ZNF442: variants seen among roughly 807,000 people sequenced by gnomAD.
The protein encoded by ZNF442 is zinc finger protein 442.
In ZNF442, 45 loss-of-function variants were observed where a neutral mutation model predicts 57.0. The ratio of observed to expected loss-of-function variants is 0.79; its 90% CI spans 0.62 to 1.01. ZNF442 has a LOEUF of 1.01. Ranked by LOEUF, ZNF442 falls within the 50% of genes least tolerant of loss-of-function variation. ZNF442 has a pLI of 0.00. For synonymous variants in ZNF442, 213 were observed against 241.8 expected (o/e 0.88, Z 1.10); for missense variants, 690 against 756.5 (o/e 0.91, Z 1.03).
At position 12,351,235 on chromosome 19, in the gene ZNF442, T is replaced by TTACATGGA; in HGVS notation, c.342_349dup (p.Lys117IlefsTer87). On this transcript the variant is annotated frameshift_variant, in exon 6 of 6. Transcript: ENST00000242804. LOFTEE classifies it high-confidence loss of function. ...CATGATTTCTCCACACACACTGCTT[T>TTACATGGA]TACATGGATCTACTCCAGGAGGTTT... The TTACATGGA allele has an allele frequency of 6.2e-7, 1 of 1,614,180 alleles. No homozygotes were observed. The highest frequency in any genetic ancestry group is 8.5e-7 in the Non-Finnish European group (1 of 1,180,034).
At chr19:12,357,197 T>A (rs78449643) in intron 3 of ZNF442, among the ~76,000 whole-genome samples, 1 of 152,110 alleles carries the variant, frequency 6.6e-6, no homozygotes, top group Non-Finnish European at 1.5e-5. Flanking sequence ...TTCCAATTTG[T>A]TTATTTTCTT....
rs1292103535 is a variant in ZNF442 at position 12,351,296 on chromosome 19, T to C, written c.289A>G (p.Ser97Gly). The change falls in exon 6 of 6, where the codon AGT becomes GGT. Residue 97 changes from serine (S) to glycine (G), a missense_variant. Transcript: ENST00000242804. Reference sequence around the variant, plus strand: ...GTACTATCTGGCTGGCGACTTTCACTAAATCTCTCTATGATATGACATCTG... The same window carrying C: ...GTACTATCTGGCTGGCGACTTTCACCAAATCTCTCTATGATATGACATCTG... Reference protein sequence around the residue: ...SLRCHIIERFSESRQPDSTVN... With the variant: ...SLRCHIIERFGESRQPDSTVN... 6.2e-7 allele frequency: 1 copy of C among 1,613,532 alleles called. No individual in the cohort carries two copies. The highest frequency in any genetic ancestry group is 8.5e-7 in the Non-Finnish European group (1 of 1,179,586).
upstream of ZNF442, among the ~76,000 whole-genome samples, chr19:12,367,462 G>A (rs1460573234): frequency 1.3e-5 from 2 of 152,142 alleles, no homozygotes; most frequent in African/African-American, 2.4e-5. Context: ...ATCTTAACAG[G>A]AAACAGGGTT....
upstream of ZNF442, among the ~76,000 whole-genome samples, chr19:12,367,898 G>A (rs1203098903): frequency 6.6e-6 from 1 of 152,082 alleles, no homozygotes; most frequent in African/African-American, 2.4e-5. Context: ...TCGATCTCCT[G>A]ATATTGTGAT....
chr19:12,363,808 T>C (rs1969482549), intron 2 of ZNF442, 137 bp from the exon 3 acceptor site: 5 of 608,362 alleles, frequency 8.2e-6, no homozygotes, highest in Admixed American at 5.5e-5. Context: ...CTCAGGCTGC[T>C]CACTGGGAGA....
rs139008315 is a variant in ZNF442 at position 12,354,767 on chromosome 19, C to T, written c.79-1653G>A. Among the ~76,000 whole-genome samples the T allele has an allele frequency of 3.1e-3, 476 of 152,270 alleles. 1 individual carries two copies. The highest frequency in any genetic ancestry group is 4.4e-3 in the Non-Finnish European group (301 of 68,020). On this transcript the variant is annotated intron_variant, in intron 3 of 5. Transcript: ENST00000242804. ...TTTATGATGATTCATTTCAACTTAA[C>T]GCACAGTAAATATAGTTTATCTTCA...
chr19:12,353,142 T>C (rs557794010), intron 3 of ZNF442, 28 bp from the exon 4 acceptor site: 1 of 1,585,844 alleles, frequency 6.3e-7, no homozygotes, highest in South Asian at 1.2e-5. Flanking sequence ...TACAAAGGAG[T>C]AAGGCTGAGA....
chr19:12,351,672 A>C, intron 5 of ZNF442: 1 of 303,224 alleles, frequency 3.3e-6, no homozygotes, highest in South Asian at 4.7e-5. Flanking sequence ...CGCCCAGCTA[A>C]TTTTTGTATT....
chr19:12,366,654 G>A (rs953135620), upstream of ZNF442, among the ~76,000 whole-genome samples: 5 of 151,828 alleles, frequency 3.3e-5, no homozygotes, highest in African/African-American at 4.8e-5. Flanking sequence ...TTTTGGAGAC[G>A]GAGTCTCACT....
At position 12,351,103 on chromosome 19, in the gene ZNF442, G is replaced by T; in HGVS notation, c.482C>A (p.Ala161Asp). ...KPHTHKQCGT[A>D]FNYHHSFQTQ... ...TTGAAAGGAGTGGTGATAATTGAAGGCTGTCCCACATTGTTTATGTGTATG... is the reference window on the plus strand; with the variant it reads ...TTGAAAGGAGTGGTGATAATTGAAGTCTGTCCCACATTGTTTATGTGTATG... Residue 161 changes from alanine to aspartate, a missense_variant, in exon 6 of 6, where the codon GCC (alanine) becomes GAC (aspartate). Coordinates refer to ENST00000242804, the MANE Select transcript of ZNF442 (RefSeq NM_030824.3). 2 of 1,614,116 alleles carry T rather than the reference G, an allele frequency of 1.2e-6. No homozygotes were observed. The highest frequency in any genetic ancestry group is 1.7e-6 in the Non-Finnish European group (2 of 1,180,014).
intron 3 of ZNF442, among the ~76,000 whole-genome samples, chr19:12,357,356 T>C (rs1299385863): frequency 7.4e-6 from 1 of 135,140 alleles, no homozygotes; most frequent in Non-Finnish European, 1.5e-5. Flanking sequence ...TTTCTTTTTT[T>C]TTTTTTTTTT....
chr19:12,369,961 T>G (rs939774779), upstream of ZNF442, among the ~76,000 whole-genome samples: 4 of 151,810 alleles, frequency 2.6e-5, no homozygotes, highest in Non-Finnish European at 5.9e-5. Context: ...GGTGGGGATT[T>G]TCATCTTACA....
At chr19:12,372,405 G>T in the ZNF442 span, among the ~76,000 whole-genome samples, 1 of 151,754 alleles carries the variant, frequency 6.6e-6, no homozygotes, top group Admixed American at 6.6e-5. Context: ...GTTGCAGTGA[G>T]CCCAGATAGC....
intron 1 of ZNF442, 134 bp from the exon 2 acceptor site, chr19:12,365,377 G>C: frequency 4.5e-6 from 1 of 222,898 alleles, no homozygotes; most frequent in African/African-American, 2.3e-5. Flanking sequence ...CTCCCACCCC[G>C]CGGCCGAGGG....
upstream of ZNF442, among the ~76,000 whole-genome samples, chr19:12,366,866 C>T (rs1969538075): frequency 6.6e-6 from 1 of 152,226 alleles, no homozygotes; most frequent in Non-Finnish European, 1.5e-5. Context: ...AACTCCTGAG[C>T]TCAGGCAATC....
chr19:12,369,527 A>AT (rs1302473879), upstream of ZNF442, among the ~76,000 whole-genome samples: 1 of 152,112 alleles, frequency 6.6e-6, no homozygotes, highest in Non-Finnish European at 1.5e-5. Flanking sequence ...CTGAGGCAAG[A>AT]GAATCGCTTG....
upstream of ZNF442, among the ~76,000 whole-genome samples, chr19:12,368,865 G>C (rs144287670): frequency 6.6e-6 from 1 of 152,266 alleles, no homozygotes; most frequent in Non-Finnish European, 1.5e-5. Context: ...TGGTGATGGG[G>C]CAGAGGCACT....
intron 3 of ZNF442, among the ~76,000 whole-genome samples, chr19:12,359,734 C>T (rs1342419798): frequency 6.6e-6 from 1 of 152,156 alleles, no homozygotes; most frequent in Non-Finnish European, 1.5e-5. Context: ...AATCCCAGCA[C>T]TTTGGGAGGC....
At chr19:12,373,044 T>A in the ZNF442 span, among the ~76,000 whole-genome samples, 1 of 152,160 alleles carries the variant, frequency 6.6e-6, no homozygotes, top group Non-Finnish European at 1.5e-5. Flanking sequence ...AGTGCTGGGA[T>A]TACAGGTGTC....
Sources: gnomAD v4.1 joint callset for allele counts (sites outside exome capture counted in the v4.1 genomes callset) on GRCh38, gnomAD v4.1.1 for gene constraint, MANE v1.5 for transcripts, NCBI Gene and HGNC (gene_info 2026-07-23, HGNC 2026-07-21) for gene names.